PLD1: variants seen among roughly 807,000 people sequenced by gnomAD.
PLD1 encodes the protein choline phosphatase 1.
Under a neutral mutation model 137.1 loss-of-function variants are expected in PLD1, and 112 were observed. That is an observed-to-expected ratio of 0.82 (90% CI 0.70 to 0.96). The LOEUF (loss-of-function observed/expected upper bound fraction) is 0.96. PLD1 is among the 40% of genes least tolerant of loss of function. The pLI, the probability that PLD1 is intolerant of heterozygous loss-of-function variation, is 0.00. For synonymous variants in PLD1, 431 were observed against 454.7 expected, an observed-to-expected ratio of 0.95 and a Z score of 0.66; for missense variants, 1,321 against 1,342.0, an observed-to-expected ratio of 0.98 and a Z score of 0.24.
At chr3:171,704,000 A>G (rs1448876342) in intron 11 of PLD1, among the ~76,000 whole-genome samples, 1 of 152,204 alleles carries the variant, frequency 6.6e-6, no homozygotes, top group African/African-American at 2.4e-5. Flanking sequence ...AGTAAATAAA[A>G]ACCCATCTTT....
rs541350160 is a variant in PLD1, at chr3:171,709,365, G to A, written c.1061+195C>T. ...ATCTAAAGCTAGCTAAGCTCACTGTGAAAAATCTTAAAAGCAACAATTGAA... is the reference window on the plus strand; with the variant it reads ...ATCTAAAGCTAGCTAAGCTCACTGTAAAAAATCTTAAAAGCAACAATTGAA... On this transcript the variant is annotated intron_variant, in intron 10 of 26. Transcript: ENST00000351298. Among the ~76,000 whole-genome samples, 40 of 152,288 alleles carry A rather than the reference G, an allele frequency of 2.6e-4. No individual in the cohort carries two copies. In the South Asian group the frequency reaches 7.5e-3, roughly 28 times the overall value.
At chr3:171,756,667 C>T (rs1322962970) in intron 1 of PLD1, among the ~76,000 whole-genome samples, 3 of 152,176 alleles carry the variant, frequency 2.0e-5, no homozygotes, top group Non-Finnish European at 4.4e-5. Context: ...TGAATAAAAA[C>T]ATACGATGTA....
chr3:171,767,139 C>T (rs1242689623), intron 1 of PLD1, among the ~76,000 whole-genome samples: 1 of 152,192 alleles, frequency 6.6e-6, no homozygotes, highest in Non-Finnish European at 1.5e-5. Context: ...AGTCCAAGTT[C>T]CTAGCTTTAG....
chr3:171,674,871 C>T (rs902147408), intron 18 of PLD1, among the ~76,000 whole-genome samples: 4 of 147,522 alleles, frequency 2.7e-5, no homozygotes, highest in Admixed American at 1.4e-4. Context: ...CCCAGCTACT[C>T]GGGAGGCTGA....
In PLD1 at chr3:171,724,726, T is replaced by C. The variant is rs751060315; in HGVS notation, c.728A>G (p.Gln243Arg). The C allele has an allele frequency of 6.2e-7, 1 of 1,610,426 alleles. No homozygotes were observed. Among genetic ancestry groups the C allele is most frequent in the Non-Finnish European group, 8.5e-7 (1 of 1,177,054 alleles). The change falls in exon 8 of 27, where the codon CAG becomes CGG. Residue 243 changes from glutamine to arginine, a missense_variant. Gln to Arg is a conservative substitution (Grantham distance 43). Transcript: ENST00000351298. ...TGACCATCTGTAGCAGGCTCTTCCC[T>C]GACCACAGCAATTCAAGCCTGGTAT... Reference protein sequence around the residue: ...HRIPGLNCCGQGRACYRWSKR... With the variant: ...HRIPGLNCCGRGRACYRWSKR...
At chr3:171,770,617 C>T (rs1578452042) in intron 1 of PLD1, among the ~76,000 whole-genome samples, 2 of 152,080 alleles carry the variant, frequency 1.3e-5, no homozygotes, top group Non-Finnish European at 1.5e-5. Flanking sequence ...CAAGGTGGCT[C>T]ACGCCTGTAA....
At chr3:171,767,306 G>A (rs991168965) in intron 1 of PLD1, among the ~76,000 whole-genome samples, 8 of 152,170 alleles carry the variant, frequency 5.3e-5, no homozygotes, top group African/African-American at 1.9e-4. Context: ...CCTGCCATTG[G>A]TCACCAGGTT....
At chr3:171,760,706 AG>A (rs1304226368) in intron 1 of PLD1, among the ~76,000 whole-genome samples, 1 of 152,218 alleles carries the variant, frequency 6.6e-6, no homozygotes, top group Non-Finnish European at 1.5e-5. Context: ...AGCACCTGGC[AG>A]GGTAACTCAC....
rs199947990 is a variant in PLD1, at chr3:171,697,242, T to TTTTG, written c.1227+2502_1227+2503insCAAA. On this transcript the variant is annotated intron_variant, in intron 12 of 26. Transcript: ENST00000351298. The stretch of plus-strand genomic sequence containing the variant: ...CAGAGTCACCTTCCGGACACCTTTT[T>TTTTG]TTTTTTTTTTTTTTTTTTTTGAAAC... 3.5e-3 allele frequency among the ~76,000 whole-genome samples: 402 copies of TTTTG among 114,686 alleles called. 7 individuals are homozygous for TTTTG. The highest frequency in any genetic ancestry group is 5.1e-3 in the South Asian group (20 of 3,892). The allele number at this position is 114,686 out of a possible 152,430, so 75.2% of individuals were successfully genotyped here. A position where few individuals can be genotyped will look rare whatever the true frequency, so the allele number is the denominator to read the frequency against.
chr3:171,750,804 A>C (rs1486590019), intron 1 of PLD1, among the ~76,000 whole-genome samples: 3 of 152,242 alleles, frequency 2.0e-5, no homozygotes, highest in Non-Finnish European at 4.4e-5. Context: ...AAGGAAATCT[A>C]CTGATTCAAA....
intron 24 of PLD1, among the ~76,000 whole-genome samples, chr3:171,619,146 T>C (rs1274483319): frequency 1.3e-5 from 2 of 152,310 alleles, no homozygotes; most frequent in East Asian, 3.9e-4. Flanking sequence ...TTCCCATTAG[T>C]AGGACACATC....
intron 25 of PLD1, among the ~76,000 whole-genome samples, chr3:171,606,669 T>C (rs9864065): frequency 0.019 from 2,881 of 152,314 alleles, 74 homozygotes; most frequent in African/African-American, 0.061. Flanking sequence ...CATCATTATA[T>C]TGTTACCCTC....
chr3:171,636,375 A>G (rs914534982), intron 23 of PLD1, among the ~76,000 whole-genome samples: 1 of 152,150 alleles, frequency 6.6e-6, no homozygotes, highest in Non-Finnish European at 1.5e-5. Context: ...GAGTACTGCC[A>G]TCTTAACAAT....
In PLD1 at chr3:171,795,886, T is replaced by C. The variant is rs577706043; in HGVS notation, c.-32+14513A>G. On this transcript the variant is annotated intron_variant, in intron 1 of 26. Transcript: ENST00000351298. ...TTAATTTAGATAGAGCTAAACACTG[T>C]GCTACTTTTTATGGGCTTCTGCTTC... is the stretch of plus-strand genomic sequence containing the variant. 7.4e-4 allele frequency among the ~76,000 whole-genome samples: 113 copies of C among 152,352 alleles called. 1 individual carries two copies. The highest frequency in any genetic ancestry group is 1.7e-3 in the South Asian group (8 of 4,830).
chr3:171,733,004 G>T (rs1056261073), intron 6 of PLD1, among the ~76,000 whole-genome samples: 1 of 152,034 alleles, frequency 6.6e-6, no homozygotes, highest in East Asian at 1.9e-4. Flanking sequence ...CCTTTAACAG[G>T]CATGACAAAC....
At chr3:171,730,914 C>T (rs1011078242) in intron 6 of PLD1, among the ~76,000 whole-genome samples, 1 of 152,226 alleles carries the variant, frequency 6.6e-6, no homozygotes, top group Non-Finnish European at 1.5e-5. Flanking sequence ...GCTGGGATTG[C>T]AGGCATGAGC....
At chr3:171,808,039 T>C (rs1347422565) in intron 1 of PLD1, among the ~76,000 whole-genome samples, 3 of 152,118 alleles carry the variant, frequency 2.0e-5, no homozygotes, top group Non-Finnish European at 4.4e-5. Flanking sequence ...CTTATGGATA[T>C]AGAGACGGCA....
In PLD1 at chr3:171,734,912, G is replaced by T; in HGVS notation, c.493C>A (p.Arg165Ser). 1 of 1,613,098 alleles carries T rather than the reference G, an allele frequency of 6.2e-7. No homozygotes were observed. The highest frequency in any genetic ancestry group is 8.5e-7 in the Non-Finnish European group (1 of 1,179,230). The change falls in exon 5 of 27, where the codon CGT becomes AGT. Residue 165 changes from arginine (R) to serine (S), a missense_variant. Coordinates refer to ENST00000351298, the MANE Select transcript of PLD1 (RefSeq NM_002662.5). ...EEPREMPSLP[R>S]SSENMIREEQ... ...TCTCTTATCATGTTTTCAGATGAAC[G>T]GGGCAAACTGGGCATCTCTCGAGGC...
chr3:171,702,498 A>G (rs1466399890), intron 11 of PLD1, among the ~76,000 whole-genome samples: 2 of 152,058 alleles, frequency 1.3e-5, no homozygotes, highest in Non-Finnish European at 2.9e-5. Flanking sequence ...AAAAAAAAAA[A>G]AGGAGTGAAA....
Sources: allele counts gnomAD v4.1 joint callset (sites outside exome capture counted in the v4.1 genomes callset), GRCh38; gene constraint gnomAD v4.1.1; transcripts MANE v1.5; gene names NCBI Gene and HGNC (gene_info 2026-07-23, HGNC 2026-07-21).